The following NT5E variants were observed in gnomAD, a reference collection of about 807,000 sequenced individuals.
The protein encoded by NT5E is 5'-nucleotidase.
In NT5E, 53 loss-of-function variants were observed where a neutral mutation model predicts 55.1. That is an observed-to-expected ratio of 0.96 (90% CI 0.77 to 1.21). The LOEUF is 1.21. Ranked by LOEUF, NT5E falls within the 50% of genes most tolerant of loss-of-function variation. The pLI, the probability that NT5E is intolerant of heterozygous loss-of-function variation, is 0.00. For synonymous variants in NT5E, 270 were observed against 278.4 expected (o/e 0.97, Z 0.30); for missense variants, 683 against 724.3 (o/e 0.94, Z 0.65).
chr6:85,467,559 C>T, intron 2 of NT5E, among the ~76,000 whole-genome samples: 1 of 152,130 alleles, frequency 6.6e-6, no homozygotes, highest in East Asian at 1.9e-4. Context: ...CAATGTATAG[C>T]CAGTGCTAAA....
At chr6:85,461,324 A>ACAGT (rs1442036698) in intron 1 of NT5E, among the ~76,000 whole-genome samples, 1 of 152,236 alleles carries the variant, frequency 6.6e-6, no homozygotes, top group Non-Finnish European at 1.5e-5. Context: ...GTTACAAAAC[A>ACAGT]CAGTCTTTCT....
At chr6:85,478,204 T>C (rs1293677020) in intron 3 of NT5E, among the ~76,000 whole-genome samples, 3 of 152,202 alleles carry the variant, frequency 2.0e-5, no homozygotes, top group African/African-American at 7.2e-5. Context: ...TTTGTAATTT[T>C]TGCAGCCACA....
chr6:85,494,144 A>G lies in NT5E; in HGVS notation c.*140A>G. ...AAGCTGAAGGTTAGAGCATTATAAA[A>G]TGAAGAGACAGACATGATTACTCAG... On this transcript the variant is annotated 3_prime_UTR_variant, in exon 9 of 9. Transcript: ENST00000257770. 2.5e-6 allele frequency: 2 copies of G among 816,100 alleles called. No individual in the cohort carries two copies. The highest frequency in any genetic ancestry group is 3.2e-5 in the South Asian group (2 of 63,306). The allele number at this position is 816,100 out of a possible 1,614,324, so 50.6% of individuals were successfully genotyped here.
intron 3 of NT5E, among the ~76,000 whole-genome samples, chr6:85,479,178 T>TA (rs896809263): frequency 8.6e-5 from 13 of 151,284 alleles, no homozygotes; most frequent in African/African-American, 2.2e-4. Context: ...TTTTGTTAAA[T>TA]AAAAAAAAAG....
intron 3 of NT5E, among the ~76,000 whole-genome samples, chr6:85,482,448 G>A (rs1769569298): frequency 2.0e-5 from 3 of 152,130 alleles, no homozygotes; most frequent in Admixed American, 2.0e-4. Flanking sequence ...AGAAAGAAAA[G>A]GCTGCTTCCT....
chr6:85,458,645 C>G (rs1238553934), intron 1 of NT5E, among the ~76,000 whole-genome samples: 1 of 152,222 alleles, frequency 6.6e-6, no homozygotes, highest in East Asian at 1.9e-4. Flanking sequence ...ATTCTTTTGA[C>G]ACTTCTTTTC....
intron 8 of NT5E, 144 bp downstream of exon 8, chr6:85,492,321 C>A (rs1216562050): frequency 4.3e-6 from 3 of 694,530 alleles, no homozygotes; most frequent in Non-Finnish European, 7.5e-6. Flanking sequence ...AGCAGCACAG[C>A]ACAGCAGAGA....
intron 1 of NT5E, among the ~76,000 whole-genome samples, chr6:85,464,856 G>A (rs1769159965): frequency 6.6e-6 from 1 of 152,118 alleles, no homozygotes; most frequent in African/African-American, 2.4e-5. Flanking sequence ...GGAAGAGGGT[G>A]GGACTCCACC....
At chr6:85,485,061 G>C (rs976731011) in intron 3 of NT5E, among the ~76,000 whole-genome samples, 174 bp from the exon 4 acceptor site, 5 of 152,194 alleles carry the variant, frequency 3.3e-5, no homozygotes, top group African/African-American at 1.2e-4. Context: ...GTACCAAAAG[G>C]GCATTTGGAA....
chr6:85,493,357 AT>A (rs1769826129), intron 8 of NT5E, among the ~76,000 whole-genome samples: 3 of 152,034 alleles, frequency 2.0e-5, no homozygotes, highest in Non-Finnish European at 2.9e-5. Flanking sequence ...CCAACAGAAC[AT>A]GGGTTCCCAA....
chr6:85,463,094 T>C (rs1769126051), intron 1 of NT5E, among the ~76,000 whole-genome samples: 1 of 152,182 alleles, frequency 6.6e-6, no homozygotes, highest in Non-Finnish European at 1.5e-5. Flanking sequence ...AAATAGTGTT[T>C]TAGGTTTTCT....
chr6:85,488,457 A>G (rs1033921360), intron 5 of NT5E, among the ~76,000 whole-genome samples: 8 of 152,240 alleles, frequency 5.3e-5, no homozygotes, highest in African/African-American at 1.7e-4. Flanking sequence ...AGAAGCTGGT[A>G]TATAAATGTT....
rs182350528 is a variant in NT5E, at chr6:85,467,046, T to C, written c.340-14T>C. On this transcript the variant is annotated splice_polypyrimidine_tract_variant and intron_variant, in intron 1 of 8. Coordinates refer to ENST00000257770, the MANE Select transcript of NT5E (RefSeq NM_002526.4). ...AAAGCACCTAATTCTTTTTCTCTTTTCTGTTTTATCTAGGCACTGGGAAAT... is the reference window on the plus strand; with the variant it reads ...AAAGCACCTAATTCTTTTTCTCTTTCCTGTTTTATCTAGGCACTGGGAAAT... The C allele has an allele frequency of 0.016, 25,788 of 1,610,554 alleles. 239 individuals carry two copies. Among genetic ancestry groups the C allele is most frequent in the Non-Finnish European group, 0.019 (22,216 of 1,176,840 alleles).
At chr6:85,471,206 A>C (rs1562139864) in intron 2 of NT5E, 31 bp from the exon 3 acceptor site, 1 of 1,440,012 alleles carries the variant, frequency 6.9e-7, no homozygotes. Context: ...AATTGTTAAT[A>C]AATATCCATT....
At chr6:85,453,463 T>C (rs948130329) in intron 1 of NT5E, among the ~76,000 whole-genome samples, 3 of 152,210 alleles carry the variant, frequency 2.0e-5, no homozygotes, top group African/African-American at 4.8e-5. Context: ...ACCACCTGCC[T>C]GCCCTCTACC....
chr6:85,488,953 CAT>C (rs1439264976), intron 5 of NT5E, among the ~76,000 whole-genome samples: 6 of 139,734 alleles, frequency 4.3e-5, no homozygotes, highest in Admixed American at 2.3e-4. Flanking sequence ...TATAACTAAA[CAT>C]ATATTTTGTA....
chr6:85,469,181 A>T (rs769285409), intron 2 of NT5E, among the ~76,000 whole-genome samples: 2 of 152,190 alleles, frequency 1.3e-5, no homozygotes, highest in Non-Finnish European at 2.9e-5. Context: ...TCCTCATGAC[A>T]TCTTGAAATA....
At chr6:85,452,805 A>T (rs1768912327) in intron 1 of NT5E, among the ~76,000 whole-genome samples, 1 of 152,190 alleles carries the variant, frequency 6.6e-6, no homozygotes, top group East Asian at 1.9e-4. Flanking sequence ...TTGTGGTATA[A>T]ACGTTCCTCC....
At chr6:85,489,669 T>G in intron 6 of NT5E, 70 bp downstream of exon 6, 1 of 1,119,680 alleles carries the variant, frequency 8.9e-7, no homozygotes, top group Non-Finnish European at 1.3e-6. Flanking sequence ...TTATGGTTCT[T>G]GCCCTGAACA....
Sources: allele counts gnomAD v4.1 joint callset (sites outside exome capture counted in the v4.1 genomes callset), GRCh38; gene constraint gnomAD v4.1.1; transcripts MANE v1.5; gene names NCBI Gene and HGNC (gene_info 2026-07-23, HGNC 2026-07-21).